ROBO2: variants seen among roughly 807,000 people sequenced by gnomAD.
ROBO2 encodes the protein roundabout homolog 2.
A neutral mutation model predicts 160.8 loss-of-function variants in ROBO2; 53 were observed. The observed-to-expected ratio is 0.33, with a 90% CI of 0.26 to 0.41. The LOEUF (loss-of-function observed/expected upper bound fraction) is 0.41, where lower values mean the gene tolerates loss of function less well. Among genes scored for constraint, ROBO2 ranks in the 10% least tolerant of loss-of-function variants. The pLI is 1.00. For missense variants in ROBO2, 1,577 were observed against 1,722.4 expected (o/e 0.92, Z 1.49); for synonymous variants, 664 against 611.7 (o/e 1.09, Z -1.26).
At chr3:76,843,873 T>A (rs114913097) in intron 2 of ROBO2, among the ~76,000 whole-genome samples, 2 of 152,034 alleles carry the variant, frequency 1.3e-5, no homozygotes, top group Admixed American at 1.3e-4. Flanking sequence ...TAAAAGAAGA[T>A]TTAGGTTACC....
At chr3:77,222,384 CG>C (rs2085940608) in intron 2 of ROBO2, among the ~76,000 whole-genome samples, 1 of 152,028 alleles carries the variant, frequency 6.6e-6, no homozygotes, top group African/African-American at 2.4e-5. Context: ...TACATGTTAC[CG>C]ATAACCTGTC....
At chr3:76,405,164 A>G (rs549367999) in intron 2 of ROBO2, among the ~76,000 whole-genome samples, 3 of 151,590 alleles carry the variant, frequency 2.0e-5, no homozygotes, top group South Asian at 4.1e-4. Flanking sequence ...TGGGGTGTCA[A>G]ATGAACACAG....
At chr3:77,506,509 G>A (rs899677404) in intron 5 of ROBO2, among the ~76,000 whole-genome samples, 7 of 152,000 alleles carry the variant, frequency 4.6e-5, no homozygotes, top group African/African-American at 1.7e-4. Context: ...CTCACGAGGG[G>A]CAAATTTGCT....
chr3:77,178,872 A>C (rs971839375), intron 2 of ROBO2, among the ~76,000 whole-genome samples: 11 of 152,036 alleles, frequency 7.2e-5, no homozygotes, highest in African/African-American at 2.7e-4. Flanking sequence ...AGAAATACTT[A>C]CGCTGTTCTC....
At chr3:77,019,449 T>A (rs908012961) in intron 2 of ROBO2, among the ~76,000 whole-genome samples, 2 of 152,196 alleles carry the variant, frequency 1.3e-5, no homozygotes, top group South Asian at 2.1e-4. Flanking sequence ...ACATATGAAT[T>A]TGGGGGAGAC....
chr3:76,303,525 G>A (rs1386169946), intron 2 of ROBO2, among the ~76,000 whole-genome samples: 2 of 152,034 alleles, frequency 1.3e-5, no homozygotes, highest in African/African-American at 4.8e-5. Flanking sequence ...CACACAACTT[G>A]TTGAATCAAA....
intron 2 of ROBO2, among the ~76,000 whole-genome samples, chr3:77,433,243 G>A (rs1230319032): frequency 6.6e-6 from 1 of 151,866 alleles, no homozygotes. Context: ...AATAAAGACA[G>A]TGAGGCAAGG....
chr3:77,516,185 A>C lies in ROBO2; in HGVS notation c.807-6590A>C, dbSNP rs182230445. Reference sequence around the variant, plus strand: ...TTCCTTTGTTAAGAAACGAGGAATAAAATTGAAAATAATATCCCAATTTGT... The same window carrying C: ...TTCCTTTGTTAAGAAACGAGGAATACAATTGAAAATAATATCCCAATTTGT... On this transcript the variant is annotated intron_variant, in intron 5 of 25. Coordinates refer to ENST00000461745, the Ensembl canonical transcript of ROBO2. Among the ~76,000 whole-genome samples the C allele has an allele frequency of 1.4e-4, 21 of 151,756 alleles. No individual in the cohort carries two copies. In the East Asian group the frequency reaches 3.3e-3, roughly 24 times the overall value.
intron 1 of ROBO2, among the ~76,000 whole-genome samples, chr3:77,051,614 T>A (rs1015343303): frequency 6.6e-5 from 10 of 152,240 alleles, no homozygotes; most frequent in African/African-American, 2.4e-4. Flanking sequence ...AAGCAGTTTT[T>A]AAGTTTTGAA....
intron 8 of ROBO2, among the ~76,000 whole-genome samples, chr3:77,557,569 A>G (rs955888997): frequency 2.6e-5 from 4 of 151,800 alleles, no homozygotes; most frequent in African/African-American, 7.3e-5. Context: ...ATGAGATAAA[A>G]TGAACATTTC....
intron 2 of ROBO2, among the ~76,000 whole-genome samples, chr3:76,759,930 A>T (rs1337205153): frequency 2.0e-5 from 3 of 151,782 alleles, no homozygotes; most frequent in Non-Finnish European, 4.4e-5. Context: ...ATAACCAAGA[A>T]TCTCATCCTA....
intron 2 of ROBO2, among the ~76,000 whole-genome samples, chr3:77,416,262 G>C (rs1169112235): frequency 6.6e-6 from 1 of 152,174 alleles, no homozygotes; most frequent in Non-Finnish European, 1.5e-5. Flanking sequence ...ATTGGTCCAT[G>C]GTGGGCCTGG....
chr3:76,809,546 C>T (rs931394711), intron 2 of ROBO2, among the ~76,000 whole-genome samples: 3 of 152,078 alleles, frequency 2.0e-5, no homozygotes, highest in African/African-American at 7.2e-5. Flanking sequence ...ACCAATTCCA[C>T]CTGGATGCAA....
Position 76,955,888 on chromosome 3 carries a change from C to CAA in ROBO2, c.110-142111_110-142110dup, listed in dbSNP as rs35674535. Reference sequence around the variant, plus strand: ...GACAGGTGTTGCAGTGAGACTCCGTCAAAAAAAAAAAAAAAAGAAAGAAAG... The same window carrying CAA: ...GACAGGTGTTGCAGTGAGACTCCGTCAAAAAAAAAAAAAAAAAAGAAAGAAAG... On this transcript the variant is annotated intron_variant, in intron 2 of 26. Coordinates refer to the ROBO2 transcript ENST00000487694. Among the ~76,000 whole-genome samples, 474 of 124,044 alleles carry CAA rather than the reference C, an allele frequency of 3.8e-3. 5 individuals are homozygous for CAA. The highest frequency in any genetic ancestry group is 8.1e-3 in the South Asian group (32 of 3,940). 81.4% of individuals were successfully genotyped at this position (124,044 alleles called of 152,430 possible).
intron 2 of ROBO2, among the ~76,000 whole-genome samples, chr3:77,178,671 A>G (rs2080395351): frequency 6.6e-6 from 1 of 152,110 alleles, no homozygotes. Flanking sequence ...CAGTGTGTAT[A>G]TAATTATATA....
intron 2 of ROBO2, among the ~76,000 whole-genome samples, chr3:76,023,845 G>A (rs2066649710): frequency 6.6e-6 from 1 of 151,398 alleles, no homozygotes; most frequent in African/African-American, 2.4e-5. Context: ...AAAAAACACA[G>A]TATCTACAAG....
In ROBO2 at chr3:77,286,085, G is replaced by A. The variant is rs549544752; in HGVS notation, c.388+187745G>A. Among the ~76,000 whole-genome samples the A allele has an allele frequency of 9.9e-5, 15 of 152,126 alleles. No individual in the cohort carries two copies. In the South Asian group the frequency reaches 2.3e-3, roughly 23 times the overall value. On this transcript the variant is annotated intron_variant, in intron 2 of 25. Coordinates refer to ENST00000461745, the Ensembl canonical transcript of ROBO2. ...TTCATTATATCTGTGAATAATCTGC[G>A]CATATGCATATAGCAGTGTGTTTTA... is the stretch of plus-strand genomic sequence containing the variant.
At chr3:76,530,626 T>C (rs573323131) in intron 2 of ROBO2, among the ~76,000 whole-genome samples, 13 of 152,294 alleles carry the variant, frequency 8.5e-5, no homozygotes, top group Admixed American at 6.5e-4. Flanking sequence ...TGATCTTAGA[T>C]TGGAAATATG....
At chr3:76,212,408 T>A (rs1441049477) in intron 2 of ROBO2, among the ~76,000 whole-genome samples, 1 of 152,022 alleles carries the variant, frequency 6.6e-6, no homozygotes, top group Non-Finnish European at 1.5e-5. Context: ...TAATGTAATA[T>A]GCATTATTAC....
Sources: allele counts gnomAD v4.1 joint callset (sites outside exome capture counted in the v4.1 genomes callset), GRCh38; gene constraint gnomAD v4.1.1; transcripts MANE v1.5; gene names NCBI Gene and HGNC (gene_info 2026-07-23, HGNC 2026-07-21).